Variants in CAMK2B observed in about 807,000 individuals in gnomAD.
The protein encoded by CAMK2B is calcium/calmodulin-dependent protein kinase type II subunit beta.
A neutral mutation model predicts 93.7 loss-of-function variants in CAMK2B; 27 were observed. The ratio of observed to expected loss-of-function variants is 0.29; its 90% CI spans 0.21 to 0.40. CAMK2B has a LOEUF of 0.40. CAMK2B is among the 10% of genes least tolerant of loss of function. The pLI is 1.00. For missense variants in CAMK2B, 568 were observed against 895.8 expected (o/e 0.63, Z 4.67); for synonymous variants, 374 against 358.8 (o/e 1.04, Z -0.48).
Position 44,276,122 on chromosome 7 carries a change from A to G in CAMK2B, c.160+8009T>C, listed in dbSNP as rs374022071. On this transcript the variant is annotated intron_variant, in intron 2 of 23. Transcript: ENST00000395749. ...AGGTGGGGAGAGAAGCCAGAGGGGAAAGAGGGGCAGGGGGAGGGGAGAAGA... is the reference window on the plus strand; with the variant it reads ...AGGTGGGGAGAGAAGCCAGAGGGGAGAGAGGGGCAGGGGGAGGGGAGAAGA... Among the ~76,000 whole-genome samples, 67 of 149,912 alleles carry G rather than the reference A, an allele frequency of 4.5e-4. 1 individual carries two copies. The East Asian group carries it at 0.011, about 24-fold the overall frequency.
chr7:44,229,876 T>G (rs969536529), intron 17 of CAMK2B: 1 of 179,590 alleles, frequency 5.6e-6, no homozygotes, highest in African/African-American at 2.4e-5. Context: ...CGTAGGGGCA[T>G]GATGGCCACT....
intron 6 of CAMK2B, 56 bp from the exon 7 acceptor site, chr7:44,243,583 G>T: frequency 7.4e-7 from 1 of 1,356,350 alleles, no homozygotes; most frequent in Non-Finnish European, 1.0e-6. Context: ...GAGGTGTTAT[G>T]TGGGGTTGGG....
intron 1 of CAMK2B, 40 bp downstream of exon 1, chr7:44,325,300 CGGAGGTCCCGGCCCTCT>C (rs1563141448): frequency 5.8e-6 from 6 of 1,034,056 alleles, no homozygotes; most frequent in African/African-American, 1.7e-5. Context: ...CGGAGGGTCC[CGGAGGTCCCGGCCCTCT>C]GGGGTCCCCG....
At chr7:44,284,636 G>A (rs1258864778) in intron 1 of CAMK2B, among the ~76,000 whole-genome samples, 2 of 152,230 alleles carry the variant, frequency 1.3e-5, no homozygotes, top group Non-Finnish European at 2.9e-5. Flanking sequence ...GCATCCTCGG[G>A]GGCTCTGTAC....
chr7:44,307,142 T>G (rs1371882415), intron 1 of CAMK2B, among the ~76,000 whole-genome samples: 53 of 55,700 alleles, frequency 9.5e-4, no homozygotes, highest in Admixed American at 1.2e-3. Context: ...GGGAGGAGGG[T>G]GTGAGCAGAG....
Position 44,219,350 on chromosome 7 carries a change from T to G in CAMK2B, c.*175A>C, listed in dbSNP as rs2096368954. ...TGGTTGTCGTCGTCATCTTGTTTTT[T>G]TTTTTTTTTTTTTTGTTTTTTTTTA... On this transcript the variant is annotated 3_prime_UTR_variant, in exon 24 of 24. Coordinates refer to ENST00000395749, the MANE Select transcript of CAMK2B (RefSeq NM_001220.5). 1 of 131,326 alleles carries G rather than the reference T, an allele frequency of 7.6e-6. No homozygotes were observed. The highest frequency in any genetic ancestry group is 2.6e-5 in the African/African-American group (1 of 38,222). The allele number at this position is 131,326 out of a possible 1,614,324, so 8.1% of individuals were successfully genotyped here.
chr7:44,241,789 G>C lies in CAMK2B; in HGVS notation c.820-6C>G. The C allele has an allele frequency of 3.7e-6, 6 of 1,611,716 alleles. No individual in the cohort carries two copies. The highest frequency in any genetic ancestry group is 5.1e-6 in the Non-Finnish European group (6 of 1,178,264). ...GATGCTACCGTGGAGCGTTGCTGTG[G>C]GGAAATGGGTGGTCATATGGCAGCC... is the stretch of plus-strand genomic sequence containing the variant. On this transcript the variant is annotated splice_polypyrimidine_tract_variant and splice_region_variant and intron_variant, in intron 10 of 23. Coordinates refer to ENST00000395749, the MANE Select transcript of CAMK2B (RefSeq NM_001220.5).
intron 1 of CAMK2B, among the ~76,000 whole-genome samples, chr7:44,323,280 C>A (rs1408419279): frequency 6.6e-6 from 1 of 152,266 alleles, no homozygotes; most frequent in Admixed American, 6.5e-5. Context: ...TGGGGCTCCC[C>A]TCGATGCCAG....
At chr7:44,272,651 C>T (rs577998616) in intron 2 of CAMK2B, among the ~76,000 whole-genome samples, 29 of 152,292 alleles carry the variant, frequency 1.9e-4, no homozygotes, top group African/African-American at 5.3e-4. Flanking sequence ...ACATGCATGA[C>T]GGAGCTGGAG....
chr7:44,321,883 G>T (rs186587318), intron 1 of CAMK2B, among the ~76,000 whole-genome samples: 3 of 152,220 alleles, frequency 2.0e-5, no homozygotes, highest in African/African-American at 4.8e-5. Context: ...GGAAAGGGGC[G>T]GCCCCAACGC....
intron 2 of CAMK2B, among the ~76,000 whole-genome samples, chr7:44,265,829 A>G (rs2096917140): frequency 6.6e-6 from 1 of 152,068 alleles, no homozygotes; most frequent in African/African-American, 2.4e-5. Context: ...CAGCACCTCG[A>G]CCACCTCCTC....
chr7:44,243,216 G>A (rs760177820), intron 8 of CAMK2B, 34 bp downstream of exon 8: 33 of 1,538,130 alleles, frequency 2.1e-5, no homozygotes, highest in Non-Finnish European at 2.8e-5. Context: ...AACACCCGAG[G>A]CCCTGCCCCG....
In CAMK2B at chr7:44,222,442, C is replaced by CT. The variant is rs112404640; in HGVS notation, c.1598-1542dup. 4.0e-3 allele frequency among the ~76,000 whole-genome samples: 583 copies of CT among 145,528 alleles called. 2 individuals carry two copies. The highest frequency in any genetic ancestry group is 0.014 in the African/African-American group (547 of 39,884). On this transcript the variant is annotated intron_variant, in intron 20 of 23. Coordinates refer to ENST00000395749, the MANE Select transcript of CAMK2B (RefSeq NM_001220.5). ...GTCTAAATTCCCAGAGGAGGGAATT[C>CT]TTTTTTTTTTTTAGATGGAGTCTCA...
At chr7:44,273,124 CTGCTTA>C (rs2096990657) in intron 2 of CAMK2B, among the ~76,000 whole-genome samples, 1 of 152,208 alleles carries the variant, frequency 6.6e-6, no homozygotes, top group South Asian at 2.1e-4. Context: ...GGCACAGCTC[CTGCTTA>C]TGCCTGAGTA....
In CAMK2B at chr7:44,286,337, A is replaced by C. The variant is rs946708385; in HGVS notation, c.66-2112T>G. ...GGACCAGGCCCTGAAGGGAGCAGGG[A>C]GTCTGGGCCTCCGTGCGCCAGAACG... On this transcript the variant is annotated intron_variant, in intron 1 of 23. Coordinates refer to ENST00000395749, the MANE Select transcript of CAMK2B (RefSeq NM_001220.5). This position sits in a 1 kb window ranked among gnomAD's most constrained non-coding sequence, Gnocchi z 4.0. 1.1e-4 allele frequency among the ~76,000 whole-genome samples: 16 copies of C among 152,174 alleles called. No individual in the cohort carries two copies. The highest frequency in any genetic ancestry group is 3.9e-4 in the African/African-American group (16 of 41,436).
chr7:44,223,135 T>C (rs909793693), intron 20 of CAMK2B, among the ~76,000 whole-genome samples: 9 of 151,888 alleles, frequency 5.9e-5, no homozygotes, highest in Non-Finnish European at 8.8e-5. Context: ...TACATATGCA[T>C]GAGCACCTGT....
In CAMK2B at chr7:44,240,719, G is replaced by A. The variant is rs748663090; in HGVS notation, c.934C>T (p.Arg312Trp). ...AAGAAAGGCTCACCTGAGAAATTCC[G>A]TGTGGCCAGCATGGTGGTGAGGATG... is the stretch of plus-strand genomic sequence containing the variant. ...GAILTTMLAT[R>W]NFSVGRQTTA... Residue 312 changes from arginine (R) to tryptophan (W), a missense_variant, in exon 12 of 24, where the codon CGG becomes TGG. Arg to Trp is a moderately radical substitution (Grantham distance 101). Coordinates refer to ENST00000395749, the MANE Select transcript of CAMK2B (RefSeq NM_001220.5). 5.0e-6 allele frequency: 8 copies of A among 1,614,002 alleles called. No individual in the cohort carries two copies. The highest frequency in any genetic ancestry group is 4.2e-6 in the Non-Finnish European group (5 of 1,179,962).
intron 2 of CAMK2B, among the ~76,000 whole-genome samples, chr7:44,280,303 G>C (rs2129087681): frequency 6.6e-6 from 1 of 152,344 alleles, no homozygotes; most frequent in African/African-American, 2.4e-5. Flanking sequence ...ATCCAGGAGG[G>C]AGGGAAGGCC....
intron 3 of CAMK2B, among the ~76,000 whole-genome samples, chr7:44,260,559 C>T (rs914378310): frequency 2.0e-5 from 3 of 152,186 alleles, no homozygotes; most frequent in Non-Finnish European, 2.9e-5. Context: ...CTCAATCTGC[C>T]CCTCTATGAA....
Sources: gnomAD v4.1 joint callset for allele counts (sites outside exome capture counted in the v4.1 genomes callset) on GRCh38, gnomAD v4.1.1 for gene constraint, Gnocchi (gnomAD v3.1) non-coding constraint, MANE v1.5 for transcripts, NCBI Gene and HGNC (gene_info 2026-07-23, HGNC 2026-07-21) for gene names.